The following CDC14B variants were observed in gnomAD, a reference collection of about 807,000 sequenced individuals.
CDC14B encodes the protein cell division cycle 14B.
In CDC14B, 22 loss-of-function variants were observed where a neutral mutation model predicts 64.2. That is an observed-to-expected ratio of 0.34 (90% CI 0.24 to 0.49). The LOEUF is 0.49. CDC14B is among the 20% of genes least tolerant of loss of function. CDC14B has a pLI of 0.99. For missense variants in CDC14B, 498 were observed against 629.9 expected (o/e 0.79, Z 2.24); for synonymous variants, 191 against 215.8 (o/e 0.89, Z 1.01).
chr9:96,605,874 G>T (rs7856819), intron 1 of CDC14B, among the ~76,000 whole-genome samples: 22,388 of 151,350 alleles, frequency 0.15, 5,554 homozygotes, highest in African/African-American at 0.51. Context: ...AAAAAAAATT[G>T]TTTTTTTCAA....
At chr9:96,579,271 G>A (rs1476345861) in intron 1 of CDC14B, among the ~76,000 whole-genome samples, 2 of 152,102 alleles carry the variant, frequency 1.3e-5, no homozygotes, top group Non-Finnish European at 2.9e-5. Context: ...AGGTCATACA[G>A]GTGGGACTGA....
chr9:96,563,801 G>C (rs1476095239), intron 3 of CDC14B, among the ~76,000 whole-genome samples: 3 of 152,032 alleles, frequency 2.0e-5, no homozygotes, highest in Admixed American at 6.6e-5. Flanking sequence ...TGGAGGAAGA[G>C]AGAATTATTT....
At chr9:96,609,303 T>C (rs555070852) in intron 1 of CDC14B, among the ~76,000 whole-genome samples, 140 of 152,244 alleles carry the variant, frequency 9.2e-4, no homozygotes, top group African/African-American at 3.1e-3. Flanking sequence ...CGAGTGACAT[T>C]TCCAACACAC....
chr9:96,578,974 A>G (rs1588022919), intron 1 of CDC14B, among the ~76,000 whole-genome samples: 1 of 151,252 alleles, frequency 6.6e-6, no homozygotes, highest in African/African-American at 2.5e-5. Flanking sequence ...TGTGCCACCA[A>G]GCCCGGCTAA....
chr9:96,532,584 C>T lies in CDC14B; in HGVS notation c.946+1343G>A, dbSNP rs544155200. ...TTCTCTTCTCCCTCTGGAACTCCCA[C>T]GATCTGTATCTTGGTCTACTTGGGT... On this transcript the variant is annotated intron_variant, in intron 9 of 13. Coordinates refer to ENST00000375241, the MANE Select transcript of CDC14B (RefSeq NM_033331.4). Among the ~76,000 whole-genome samples the T allele has an allele frequency of 5.3e-5, 8 of 152,232 alleles. No individual in the cohort carries two copies. In the East Asian group the frequency reaches 5.8e-4, roughly 11 times the overall value.
chr9:96,611,245 T>C (rs934977466), intron 1 of CDC14B, among the ~76,000 whole-genome samples: 1 of 152,258 alleles, frequency 6.6e-6, no homozygotes, highest in Non-Finnish European at 1.5e-5. Flanking sequence ...CTGCCTAATA[T>C]GGACGTCAAT....
intron 4 of CDC14B, among the ~76,000 whole-genome samples, chr9:96,560,101 G>GTT (rs1260719614): frequency 6.6e-6 from 1 of 151,798 alleles, no homozygotes; most frequent in African/African-American, 2.4e-5. Context: ...CCCTGACTGA[G>GTT]TTCCCACTAT....
intron 7 of CDC14B, chr9:96,538,504 G>C (rs1365047044): frequency 7.2e-5 from 11 of 152,478 alleles, no homozygotes; most frequent in African/African-American, 2.4e-4. Flanking sequence ...AGAAGTGCTT[G>C]AGGCCAGGAG....
At chr9:96,538,372 C>T (rs996275912) in intron 7 of CDC14B, among the ~76,000 whole-genome samples, 6 of 152,028 alleles carry the variant, frequency 3.9e-5, no homozygotes, top group African/African-American at 1.2e-4. Flanking sequence ...ACTCTATACA[C>T]GTCTAAAACA....
At chr9:96,547,255 G>A (rs561323459) in intron 5 of CDC14B, among the ~76,000 whole-genome samples, 53 of 151,134 alleles carry the variant, frequency 3.5e-4, no homozygotes, top group African/African-American at 1.3e-3. Flanking sequence ...ACCTGAGGTC[G>A]GGAGTTCAAG....
chr9:96,583,864 G>A (rs1845318392), intron 1 of CDC14B, among the ~76,000 whole-genome samples: 5 of 152,074 alleles, frequency 3.3e-5, no homozygotes, highest in Admixed American at 6.6e-5. Context: ...GACTACAGGC[G>A]TCTACCACCA....
intron 4 of CDC14B, among the ~76,000 whole-genome samples, chr9:96,552,605 T>C (rs12550882): frequency 0.16 from 24,276 of 152,166 alleles, 2,350 homozygotes; most frequent in South Asian, 0.3. Flanking sequence ...TTCTCACTTC[T>C]AGTGTTACAG....
intron 1 of CDC14B, among the ~76,000 whole-genome samples, chr9:96,592,734 C>A (rs896775399): frequency 6.6e-6 from 1 of 152,100 alleles, no homozygotes; most frequent in African/African-American, 2.4e-5. Flanking sequence ...GATCGCGCCA[C>A]TGCAGTCCAG....
chr9:96,521,960 C>CAT (rs1836796696), intron 12 of CDC14B, among the ~76,000 whole-genome samples: 1 of 152,210 alleles, frequency 6.6e-6, no homozygotes, highest in South Asian at 2.1e-4. Flanking sequence ...AGAATGTACA[C>CAT]ATAGACATAC....
chr9:96,495,996 A>C (rs1833221925), downstream of CDC14B, among the ~76,000 whole-genome samples: 1 of 152,064 alleles, frequency 6.6e-6, no homozygotes, highest in African/African-American at 2.4e-5. Flanking sequence ...GGGGAGATGG[A>C]GGGGCCTCAG....
intron 1 of CDC14B, chr9:96,567,028 C>T: frequency 1.5e-6 from 2 of 1,344,204 alleles, no homozygotes; most frequent in Non-Finnish European, 1.9e-6. Flanking sequence ...CCGCGCGCGA[C>T]GAGGCCGTGG....
At chr9:96,514,588 A>C in intron 12 of CDC14B, 1 of 985,462 alleles carries the variant, frequency 1.0e-6, no homozygotes, top group Non-Finnish European at 1.2e-6. Context: ...ACCACAAAGT[A>C]CCAGAGTTGG....
chr9:96,595,596 A>G (rs532310319), intron 1 of CDC14B, among the ~76,000 whole-genome samples: 2 of 152,346 alleles, frequency 1.3e-5, no homozygotes, highest in Non-Finnish European at 2.9e-5. Flanking sequence ...TAAACAAAAT[A>G]TGATACCGTC....
At chr9:96,601,573 T>C (rs1023980020) in intron 1 of CDC14B, among the ~76,000 whole-genome samples, 13 of 147,886 alleles carry the variant, frequency 8.8e-5, no homozygotes, top group African/African-American at 3.0e-4. Context: ...AGGCGGCAGA[T>C]CACTTGAGGT....
Sources: gnomAD v4.1 joint callset for allele counts (sites outside exome capture counted in the v4.1 genomes callset) on GRCh38, gnomAD v4.1.1 for gene constraint, MANE v1.5 for transcripts, NCBI Gene and HGNC (gene_info 2026-07-23, HGNC 2026-07-21) for gene names.